ADAMTSL3: variants seen among roughly 807,000 people sequenced by gnomAD.
ADAMTSL3 encodes the protein ADAMTS like 3, also known as ADAMTS-like protein 3.
A neutral mutation model predicts 201.7 loss-of-function variants in ADAMTSL3; 128 were observed. The observed-to-expected ratio is 0.63, with a 90% CI of 0.55 to 0.73. ADAMTSL3 has a LOEUF of 0.73. Among genes scored for constraint, ADAMTSL3 ranks in the 30% least tolerant of loss-of-function variants. ADAMTSL3 has a pLI of 0.00. For missense variants in ADAMTSL3, 1,990 were observed against 2,119.6 expected, an observed-to-expected ratio of 0.94 and a Z score of 1.20; for synonymous variants, 738 against 748.4, an observed-to-expected ratio of 0.99 and a Z score of 0.23.
intron 19 of ADAMTSL3, among the ~76,000 whole-genome samples, chr15:83,953,612 C>T (rs1191684477): frequency 1.3e-5 from 2 of 152,116 alleles, no homozygotes; most frequent in Non-Finnish European, 2.9e-5. Context: ...TTTCTGTGTA[C>T]TTACTATTAC....
At chr15:83,778,282 C>T (rs1281693050) in intron 4 of ADAMTSL3, among the ~76,000 whole-genome samples, 1 of 152,090 alleles carries the variant, frequency 6.6e-6, no homozygotes, top group Non-Finnish European at 1.5e-5. Context: ...CAGAGAACCC[C>T]AGTAAAATAC....
chr15:83,835,078 CA>C (rs1381300894), intron 6 of ADAMTSL3, among the ~76,000 whole-genome samples: 1 of 151,728 alleles, frequency 6.6e-6, no homozygotes, highest in African/African-American at 2.4e-5. Context: ...ACTGAAAATA[CA>C]AAAAATTAGC....
intron 5 of ADAMTSL3, among the ~76,000 whole-genome samples, chr15:83,814,904 G>C (rs1177350906): frequency 1.3e-5 from 2 of 152,112 alleles, no homozygotes; most frequent in Non-Finnish European, 2.9e-5. Context: ...CAGTTTATTA[G>C]ATAATCTTTC....
At chr15:83,783,754 G>GA (rs901656982) in intron 4 of ADAMTSL3, among the ~76,000 whole-genome samples, 35 of 142,728 alleles carry the variant, frequency 2.5e-4, no homozygotes, top group Admixed American at 1.6e-3. Flanking sequence ...AAAATTGGTT[G>GA]AAAAAAAAAA....
chr15:83,834,714 C>G (rs567176503), intron 6 of ADAMTSL3, among the ~76,000 whole-genome samples: 6 of 152,262 alleles, frequency 3.9e-5, no homozygotes, highest in African/African-American at 1.4e-4. Context: ...ATGTCATCCA[C>G]TATCTTGTGT....
At chr15:83,784,736 A>G (rs561059854) in intron 4 of ADAMTSL3, among the ~76,000 whole-genome samples, 34 of 152,126 alleles carry the variant, frequency 2.2e-4, no homozygotes, top group Non-Finnish European at 4.6e-4. Flanking sequence ...TTTTATAACT[A>G]TCTCTGTCAT....
chr15:83,898,123 A>T (rs2065653206), intron 14 of ADAMTSL3, 118 bp downstream of exon 14: 4 of 1,151,452 alleles, frequency 3.5e-6, no homozygotes, highest in Non-Finnish European at 4.9e-6. Flanking sequence ...TTATTGACAG[A>T]TTGCAATAGA....
At position 84,002,936 on chromosome 15, in the gene ADAMTSL3, CTTTT is replaced by C. The variant is rs368176543; in HGVS notation, c.3974-11590_3974-11587del. ...TTTTTTCTTTCTTTTCTTTTCTTTT[CTTTT>C]TTTTTTTTTTTTTTTGGCTTAGAGA... On this transcript the variant is annotated intron_variant, in intron 23 of 29. Transcript: ENST00000286744. 1.1e-3 allele frequency among the ~76,000 whole-genome samples: 110 copies of C among 99,978 alleles called. 1 individual carries two copies. The highest frequency in any genetic ancestry group is 7.4e-3 in the East Asian group (25 of 3,366). 65.6% of individuals were successfully genotyped at this position (99,978 alleles called of 152,430 possible).
chr15:83,895,665 A>G (rs1440240816), intron 13 of ADAMTSL3, among the ~76,000 whole-genome samples: 3 of 152,148 alleles, frequency 2.0e-5, no homozygotes, highest in African/African-American at 7.2e-5. Context: ...GTTTAAAAGG[A>G]GAGGATACTC....
intron 19 of ADAMTSL3, among the ~76,000 whole-genome samples, chr15:83,953,385 C>T (rs1233366756): frequency 6.9e-6 from 1 of 145,170 alleles, no homozygotes; most frequent in Non-Finnish European, 1.6e-5. Context: ...CAACTTAACA[C>T]ATTGTGTAAA....
At chr15:83,683,602 A>T (rs2061501784) in intron 2 of ADAMTSL3, among the ~76,000 whole-genome samples, 1 of 152,164 alleles carries the variant, frequency 6.6e-6, no homozygotes, top group African/African-American at 2.4e-5. Context: ...ATTTGAGCAT[A>T]TGGTATCTGT....
At chr15:83,873,497 G>C (rs2065119636) in intron 9 of ADAMTSL3, among the ~76,000 whole-genome samples, 1 of 143,934 alleles carries the variant, frequency 6.9e-6, no homozygotes, top group South Asian at 2.1e-4. Flanking sequence ...TCTGGCCTCA[G>C]CCTCCCAACT....
chr15:83,739,870 C>T (rs1161727571), intron 3 of ADAMTSL3: 10 of 600,652 alleles, frequency 1.7e-5, no homozygotes, highest in Non-Finnish European at 2.9e-5. Flanking sequence ...TGGAACACAG[C>T]ATCCTGCCTG....
At chr15:83,939,143 A>C (rs2066511080) in intron 17 of ADAMTSL3, among the ~76,000 whole-genome samples, 2 of 152,198 alleles carry the variant, frequency 1.3e-5, no homozygotes, top group Admixed American at 6.5e-5. Flanking sequence ...ATTGGTCACC[A>C]TGTAACATTA....
chr15:83,825,524 G>A lies in ADAMTSL3; in HGVS notation c.600+5477G>A, dbSNP rs142022773. Among the ~76,000 whole-genome samples, 17 of 152,128 alleles carry A rather than the reference G, an allele frequency of 1.1e-4. No individual in the cohort carries two copies. In the East Asian group the frequency reaches 3.1e-3, roughly 28 times the overall value. On this transcript the variant is annotated intron_variant, in intron 6 of 29. Transcript: ENST00000286744. ...GCTACTTGCTACTCAGGTACCTGAGGCAAGGATTCGCTTGAGTCCAGGTAG... is the reference window on the plus strand; with the variant it reads ...GCTACTTGCTACTCAGGTACCTGAGACAAGGATTCGCTTGAGTCCAGGTAG...
At chr15:84,018,726 G>T (rs983199275) in intron 25 of ADAMTSL3, among the ~76,000 whole-genome samples, 7 of 152,064 alleles carry the variant, frequency 4.6e-5, no homozygotes, top group Non-Finnish European at 1.0e-4. Context: ...AGTGGCTGAG[G>T]ACCAAATCAT....
chr15:83,784,124 T>G (rs1006359439), intron 4 of ADAMTSL3, among the ~76,000 whole-genome samples: 1 of 152,200 alleles, frequency 6.6e-6, no homozygotes, highest in South Asian at 2.1e-4. Flanking sequence ...TTTCCTTCAT[T>G]TGGAGATAGT....
intron 19 of ADAMTSL3, among the ~76,000 whole-genome samples, chr15:83,965,165 CAT>C (rs2067054591): frequency 6.6e-6 from 1 of 152,232 alleles, no homozygotes; most frequent in Middle Eastern, 3.4e-3. Context: ...TAAATTCACA[CAT>C]AACAATGTTA....
chr15:83,811,873 G>T (rs1348068316), intron 5 of ADAMTSL3, among the ~76,000 whole-genome samples: 1 of 152,192 alleles, frequency 6.6e-6, no homozygotes, highest in African/African-American at 2.4e-5. Flanking sequence ...GAAGGTTGTG[G>T]CAGTGGAAGT....
Sources: allele counts gnomAD v4.1 joint callset (sites outside exome capture counted in the v4.1 genomes callset), GRCh38; gene constraint gnomAD v4.1.1; transcripts MANE v1.5; gene names NCBI Gene and HGNC (gene_info 2026-07-23, HGNC 2026-07-21).